The following RIMBP2 variants were observed in gnomAD, a reference collection of about 807,000 sequenced individuals.
The protein encoded by RIMBP2 is RIMS-binding protein 2.
Under a neutral mutation model 118.6 loss-of-function variants are expected in RIMBP2, and 48 were observed. The ratio of observed to expected loss-of-function variants is 0.40; its 90% CI spans 0.32 to 0.51. The LOEUF (loss-of-function observed/expected upper bound fraction) is 0.51. Ranked by LOEUF, RIMBP2 falls within the 20% of genes least tolerant of loss-of-function variation. The pLI is 0.41. For synonymous variants in RIMBP2, 762 were observed against 742.9 expected (o/e 1.03, Z -0.42); for missense variants, 1,551 against 1,768.3 (o/e 0.88, Z 2.20).
rs1213566952 is a variant in RIMBP2, at chr12:130,581,193, G to A, written c.-217+47129C>T. Among the ~76,000 whole-genome samples, 3 of 152,226 alleles carry A rather than the reference G, an allele frequency of 2.0e-5. No homozygotes were observed. Among genetic ancestry groups the A allele is most frequent in the East Asian group, 3.9e-4 (2 of 5,174 alleles). ...ACATACAAAAGAGACTAGCTCAAGG[G>A]TGGCAGCCTCTGGGTCATCAACTGA... On this transcript the variant is annotated intron_variant, in intron 2 of 22. Transcript: ENST00000690449. This position sits in a 1 kb window ranked among gnomAD's most constrained non-coding sequence, Gnocchi z 4.4.
Position 130,581,438 on chromosome 12 carries a change from C to T in RIMBP2, c.-217+46884G>A, listed in dbSNP as rs142771905. 9.8e-5 allele frequency among the ~76,000 whole-genome samples: 15 copies of T among 152,294 alleles called. No homozygotes were observed. The highest frequency in any genetic ancestry group is 3.1e-4 in the African/African-American group (13 of 41,568). On this transcript the variant is annotated intron_variant, in intron 2 of 22. Transcript: ENST00000690449. This position sits in a 1 kb window ranked among gnomAD's most constrained non-coding sequence, Gnocchi z 4.4. ...CATCCCAGCTCCCTCCTCCAAGGTC[C>T]ATGCTCACCCCCACTGCCCACCCAG...
chr12:130,454,770 C>T (rs1054782056), intron 7 of RIMBP2, among the ~76,000 whole-genome samples: 6 of 152,344 alleles, frequency 3.9e-5, no homozygotes, highest in African/African-American at 9.6e-5. Flanking sequence ...TCCCTGTTCC[C>T]GCCTCCCTGT....
At chr12:130,502,571 A>G (rs1395785337) in intron 4 of RIMBP2, among the ~76,000 whole-genome samples, 1 of 151,984 alleles carries the variant, frequency 6.6e-6, no homozygotes, top group Non-Finnish European at 1.5e-5. Context: ...TCTGCTCAAC[A>G]TGTAGGTCTA....
In RIMBP2 at chr12:130,454,232, G is replaced by A. The variant is rs143737819; in HGVS notation, c.358+2264C>T. ...TTTCACAATTGATTTATGTTACATC[G>A]GATCAAGTTGTATACCTTAAATATG... is the stretch of plus-strand genomic sequence containing the variant. On this transcript the variant is annotated intron_variant, in intron 7 of 22. Transcript: ENST00000690449. 4.2e-3 allele frequency among the ~76,000 whole-genome samples: 641 copies of A among 152,290 alleles called. 5 individuals carry two copies. Among genetic ancestry groups the A allele is most frequent in the Middle Eastern group, 0.024 (7 of 294 alleles).
In RIMBP2 at chr12:130,456,690, C is replaced by T. The variant is rs749980666; in HGVS notation, c.164G>A (p.Arg55Gln). Reference sequence around the variant, plus strand: ...AGTCCGGCATTTCTCTTCCAGCTCTCGAACCTTGGACTGCACGGCAGAAGC... The same window carrying T: ...AGTCCGGCATTTCTCTTCCAGCTCTTGAACCTTGGACTGCACGGCAGAAGC... ...GAVRLLESKV[R>Q]ELEEKCRTQS... The change falls in exon 7 of 23, where the codon CGA (arginine) becomes CAA (glutamine). Residue 55 changes from arginine to glutamine, a missense_variant. Around this residue, in one of 5 missense-constraint regions of RIMBP2, gnomAD observed 239 missense variants for 256.8 expected, o/e 0.93. Coordinates refer to ENST00000690449, the MANE Select transcript of RIMBP2 (RefSeq NM_001393629.1). 1.1e-5 allele frequency: 18 copies of T among 1,606,430 alleles called. No individual in the cohort carries two copies. The highest frequency in any genetic ancestry group is 3.3e-5 in the Admixed American group (2 of 59,810).
chr12:130,642,896 C>T (rs2062687530), intron 1 of RIMBP2, among the ~76,000 whole-genome samples: 1 of 152,180 alleles, frequency 6.6e-6, no homozygotes, highest in Non-Finnish European at 1.5e-5. Context: ...CACACTGCCG[C>T]TCACTGAGAG....
intron 17 of RIMBP2, among the ~76,000 whole-genome samples, chr12:130,417,222 C>T (rs968119763): frequency 1.3e-5 from 2 of 152,270 alleles, no homozygotes; most frequent in East Asian, 3.9e-4. Flanking sequence ...TTTGACACAC[C>T]AGTGCCATTA....
Position 130,641,021 on chromosome 12 carries a change from G to A in RIMBP2, c.-351-12565C>T, listed in dbSNP as rs147289703. On this transcript the variant is annotated intron_variant, in intron 1 of 22. Coordinates refer to ENST00000690449, the MANE Select transcript of RIMBP2 (RefSeq NM_001393629.1). ...GCTAACTAATGTCGGCGTCACAGCC[G>A]TCCTGGCACTCAGCGCTGTTTCTGT... Among the ~76,000 whole-genome samples the A allele has an allele frequency of 6.6e-5, 10 of 152,330 alleles. No homozygotes were observed. The East Asian group carries it at 9.7e-4, about 15-fold the overall frequency.
At chr12:130,676,548 G>C (rs550714464) in intron 1 of RIMBP2, among the ~76,000 whole-genome samples, 1 of 151,794 alleles carries the variant, frequency 6.6e-6, no homozygotes, top group African/African-American at 2.4e-5. Context: ...GCTTGAACCC[G>C]GGAGGTGGAG....
intron 2 of RIMBP2, among the ~76,000 whole-genome samples, chr12:130,610,093 C>T (rs1002077850): frequency 3.3e-5 from 5 of 152,144 alleles, no homozygotes; most frequent in Non-Finnish European, 5.9e-5. Context: ...TCAACCATCA[C>T]GGGGGGAAAA....
At chr12:130,609,217 C>T (rs951903120) in intron 2 of RIMBP2, among the ~76,000 whole-genome samples, 13 of 152,208 alleles carry the variant, frequency 8.5e-5, no homozygotes, top group South Asian at 4.1e-4. Flanking sequence ...CACGTATGAA[C>T]TGAGTCTGTC....
In RIMBP2 at chr12:130,648,010, C is replaced by CACACACATGTGAACACACGTGTGT. The variant is rs1176213388; in HGVS notation, c.-351-19578_-351-19555dup. ...TGGATAACACATGCACACACGTGTG[C>CACACACATGTGAACACACGTGTGT]ACACACATGTGAACACACGTGTGTA... On this transcript the variant is annotated intron_variant, in intron 1 of 22. Transcript: ENST00000690449. Among the ~76,000 whole-genome samples the CACACACATGTGAACACACGTGTGT allele has an allele frequency of 1.9e-4, 28 of 146,492 alleles. 5 individuals carry two copies. Among genetic ancestry groups the CACACACATGTGAACACACGTGTGT allele is most frequent in the Admixed American group, 1.2e-3 (17 of 14,650 alleles).
At chr12:130,584,547 T>C (rs1346491745) in intron 2 of RIMBP2, among the ~76,000 whole-genome samples, 2 of 128,780 alleles carry the variant, frequency 1.6e-5, no homozygotes, top group Non-Finnish European at 3.3e-5. Flanking sequence ...ATCACCACCA[T>C]CACATCACCA....
chr12:130,538,319 G>C (rs540930241), intron 2 of RIMBP2, among the ~76,000 whole-genome samples: 1 of 137,090 alleles, frequency 7.3e-6, no homozygotes, highest in Non-Finnish European at 1.5e-5. Context: ...AAAATTTGGC[G>C]ATCTTGGGTC....
At chr12:130,654,199 A>G (rs760748061) in intron 1 of RIMBP2, among the ~76,000 whole-genome samples, 5 of 152,138 alleles carry the variant, frequency 3.3e-5, no homozygotes, top group African/African-American at 7.2e-5. Context: ...CTTTTTAACT[A>G]TAAGTTCCAA....
intron 2 of RIMBP2, among the ~76,000 whole-genome samples, chr12:130,611,089 G>C (rs958842974): frequency 1.2e-4 from 18 of 152,230 alleles, no homozygotes; most frequent in African/African-American, 3.6e-4. Context: ...CAGGAGAAGA[G>C]AGCATTGTGC....
At chr12:130,557,111 C>T (rs1043029137) in intron 2 of RIMBP2, among the ~76,000 whole-genome samples, 2 of 152,128 alleles carry the variant, frequency 1.3e-5, no homozygotes, top group African/African-American at 4.8e-5. Flanking sequence ...TCTCATATGC[C>T]TGTGTCCTTA....
chr12:130,397,691 A>C (rs2074167869), intron 22 of RIMBP2, 142 bp from the exon 23 acceptor site: 1 of 394,324 alleles, frequency 2.5e-6, no homozygotes, highest in South Asian at 1.4e-4. Flanking sequence ...GTATGCCATG[A>C]GAAGCAAAGG....
At chr12:130,608,230 G>C (rs2060302631) in intron 2 of RIMBP2, among the ~76,000 whole-genome samples, 1 of 152,204 alleles carries the variant, frequency 6.6e-6, no homozygotes, top group Non-Finnish European at 1.5e-5. Context: ...GCTTACGGCT[G>C]AATAAAACAA....
Sources: gnomAD v4.1 joint callset for allele counts (sites outside exome capture counted in the v4.1 genomes callset) on GRCh38, gnomAD v4.1.1 for gene constraint, gnomAD v4.1.1 regional missense constraint, Gnocchi (gnomAD v3.1) non-coding constraint, MANE v1.5 for transcripts, NCBI Gene and HGNC (gene_info 2026-07-23, HGNC 2026-07-21) for gene names.